Variants in LRRC4C observed in about 807,000 individuals in gnomAD.
The protein encoded by LRRC4C is leucine-rich repeat-containing protein 4C.
Under a neutral mutation model 33.6 loss-of-function variants are expected in LRRC4C, and 5 were observed. The observed-to-expected ratio is 0.15, with a 90% CI of 0.08 to 0.31. The LOEUF is 0.31. Ranked by LOEUF, LRRC4C falls within the 10% of genes least tolerant of loss-of-function variation. LRRC4C has a pLI of 1.00. For synonymous variants in LRRC4C, 329 were observed against 302.0 expected (o/e 1.09, Z -0.93); for missense variants, 560 against 796.7 (o/e 0.70, Z 3.58).
intron 5 of LRRC4C, among the ~76,000 whole-genome samples, chr11:40,144,394 T>C (rs1857578672): frequency 6.6e-6 from 1 of 152,168 alleles, no homozygotes; most frequent in Admixed American, 6.5e-5. Context: ...GCTAAACAAC[T>C]CATCTACTTT....
chr11:41,118,434 G>A (rs1942251840), intron 1 of LRRC4C, among the ~76,000 whole-genome samples: 1 of 152,186 alleles, frequency 6.6e-6, no homozygotes, highest in Non-Finnish European at 1.5e-5. Flanking sequence ...CAGCAAAGCA[G>A]AATTTCTGTC....
At chr11:41,074,627 G>A (rs118167248) in intron 1 of LRRC4C, among the ~76,000 whole-genome samples, 3,337 of 152,300 alleles carry the variant, frequency 0.022, 62 homozygotes, top group South Asian at 0.069. Flanking sequence ...TCAGTACTTA[G>A]AGTAAATTGC....
At chr11:41,327,415 G>A (rs1249894366) in intron 1 of LRRC4C, among the ~76,000 whole-genome samples, 1 of 152,010 alleles carries the variant, frequency 6.6e-6, no homozygotes, top group Non-Finnish European at 1.5e-5. Flanking sequence ...ATTTATTTTT[G>A]TTTTATCCTT....
rs368353802 is a variant in LRRC4C, at chr11:40,891,991, C to T, written c.-407+41644G>A. On this transcript the variant is annotated intron_variant, in intron 2 of 6. Coordinates refer to ENST00000528697, the MANE Select transcript of LRRC4C (RefSeq NM_001258419.2). Reference sequence around the variant, plus strand: ...TCTACTAAAAATACAAAAAATTAGCCGGGCGTGGTGGTGGGCACCTGTAGT... The same window carrying T: ...TCTACTAAAAATACAAAAAATTAGCTGGGCGTGGTGGTGGGCACCTGTAGT... Among the ~76,000 whole-genome samples the T allele has an allele frequency of 4.6e-4, 70 of 151,632 alleles. 1 individual carries two copies. In the East Asian group the frequency reaches 7.6e-3, roughly 16 times the overall value.
intron 3 of LRRC4C, among the ~76,000 whole-genome samples, chr11:40,554,071 A>C (rs1957234707): frequency 6.6e-6 from 1 of 152,136 alleles, no homozygotes; most frequent in African/African-American, 2.4e-5. Context: ...GTATAGTTTG[A>C]GGTCCTACAT....
At chr11:40,810,291 C>T (rs903988962) in intron 2 of LRRC4C, among the ~76,000 whole-genome samples, 1 of 152,154 alleles carries the variant, frequency 6.6e-6, no homozygotes, top group African/African-American at 2.4e-5. Flanking sequence ...TCTGTGTCAC[C>T]ATGGTTCTCT....
chr11:40,669,713 T>G (rs989529403), intron 2 of LRRC4C, among the ~76,000 whole-genome samples: 25 of 152,362 alleles, frequency 1.6e-4, no homozygotes, highest in African/African-American at 5.5e-4. Context: ...CATTTCTAAT[T>G]CTGATTTGGC....
intron 2 of LRRC4C, among the ~76,000 whole-genome samples, chr11:40,865,048 A>G (rs1356402373): frequency 2.6e-5 from 4 of 152,196 alleles, no homozygotes; most frequent in Non-Finnish European, 5.9e-5. Flanking sequence ...TATTGTGACT[A>G]GTGCTGCAAT....
intron 1 of LRRC4C, among the ~76,000 whole-genome samples, chr11:40,982,372 C>A (rs1852606574): frequency 6.6e-6 from 1 of 152,192 alleles, no homozygotes; most frequent in East Asian, 1.9e-4. Context: ...AACAGAGTCA[C>A]CTGACTTTGA....
intron 1 of LRRC4C, among the ~76,000 whole-genome samples, chr11:41,419,571 C>A (rs1438748092): frequency 6.6e-6 from 1 of 151,730 alleles, no homozygotes. Context: ...TGAGAGAAAC[C>A]CAGAGACCGT....
intron 5 of LRRC4C, among the ~76,000 whole-genome samples, chr11:40,169,563 A>G (rs931129701): frequency 6.6e-6 from 1 of 152,204 alleles, no homozygotes; most frequent in South Asian, 2.1e-4. Flanking sequence ...ACAACTATAT[A>G]TATGCACAGA....
At chr11:40,900,500 G>C (rs563099028) in intron 2 of LRRC4C, among the ~76,000 whole-genome samples, 1 of 152,054 alleles carries the variant, frequency 6.6e-6, no homozygotes, top group African/African-American at 2.4e-5. Flanking sequence ...ACCAAACCAA[G>C]GAAAACAACA....
intron 1 of LRRC4C, among the ~76,000 whole-genome samples, chr11:40,936,017 TATA>T (rs2136518390): frequency 8.2e-5 from 1 of 12,230 alleles, no homozygotes; most frequent in South Asian, 2.8e-3. Context: ...CCAAATTTTA[TATA>T]TATATATATA....
chr11:40,964,043 C>A (rs1185661659), intron 1 of LRRC4C, among the ~76,000 whole-genome samples: 2 of 151,352 alleles, frequency 1.3e-5, no homozygotes, highest in Non-Finnish European at 3.0e-5. Context: ...TTCCCACCTG[C>A]CAATAAGAGC....
At position 41,169,808 on chromosome 11, in the gene LRRC4C, A is replaced by T. The variant is rs116384650; in HGVS notation, c.-495-236085T>A. On this transcript the variant is annotated intron_variant, in intron 1 of 6. Coordinates refer to ENST00000528697, the MANE Select transcript of LRRC4C (RefSeq NM_001258419.2). ...AAGCAAGTAAATGCTGCATACTTTC[A>T]ATTCCCCCTTTCAATGGTATTGTAA... is the stretch of plus-strand genomic sequence containing the variant. 8.0e-3 allele frequency among the ~76,000 whole-genome samples: 1,214 copies of T among 152,266 alleles called. 19 individuals are homozygous for T. Among genetic ancestry groups the T allele is most frequent in the African/African-American group, 0.028 (1,147 of 41,566 alleles).
At chr11:40,410,481 T>C (rs1950118445) in intron 3 of LRRC4C, among the ~76,000 whole-genome samples, 1 of 152,096 alleles carries the variant, frequency 6.6e-6, no homozygotes, top group African/African-American at 2.4e-5. Context: ...ATGAACACTG[T>C]GTGTAGATGA....
intron 1 of LRRC4C, among the ~76,000 whole-genome samples, chr11:41,151,139 TGA>T (rs992678443): frequency 3.3e-5 from 5 of 152,184 alleles, no homozygotes; most frequent in Admixed American, 3.3e-4. Context: ...TTTGGAGCTC[TGA>T]GAGAGGTCTG....
chr11:40,376,944 T>C (rs558410207), intron 3 of LRRC4C, among the ~76,000 whole-genome samples: 4 of 152,294 alleles, frequency 2.6e-5, no homozygotes, highest in African/African-American at 9.6e-5. Flanking sequence ...ATCATGTTGC[T>C]TTGCTTATGA....
chr11:41,316,054 T>C (rs1168277214), intron 1 of LRRC4C, among the ~76,000 whole-genome samples: 2 of 152,088 alleles, frequency 1.3e-5, no homozygotes, highest in Non-Finnish European at 2.9e-5. Context: ...CTTCAGAGCC[T>C]AGGATCTTCA....
Sources: allele counts gnomAD v4.1 joint callset (sites outside exome capture counted in the v4.1 genomes callset), GRCh38; gene constraint gnomAD v4.1.1; transcripts MANE v1.5; gene names NCBI Gene and HGNC (gene_info 2026-07-23, HGNC 2026-07-21).